The following TNRC6A variants were observed in gnomAD, a reference collection of about 807,000 sequenced individuals.
TNRC6A encodes the protein trinucleotide repeat-containing gene 6A protein.
A neutral mutation model predicts 221.2 loss-of-function variants in TNRC6A; 44 were observed. That is an observed-to-expected ratio of 0.20 (90% CI 0.16 to 0.26). TNRC6A has a LOEUF of 0.26. TNRC6A is among the 10% of genes least tolerant of loss of function. The probability of loss-of-function intolerance (pLI) is 1.00; values close to 1 mark genes in which losing one functional copy is unlikely to be tolerated. For synonymous variants in TNRC6A, 847 were observed against 838.5 expected, an observed-to-expected ratio of 1.01 and a Z score of -0.18; for missense variants, 2,199 against 2,404.4, an observed-to-expected ratio of 0.91 and a Z score of 1.79.
At chr16:24,770,094 G>A (rs960517292) in intron 4 of TNRC6A, among the ~76,000 whole-genome samples, 8 of 152,134 alleles carry the variant, frequency 5.3e-5, no homozygotes, top group African/African-American at 1.9e-4. Context: ...TGGGGGTGGG[G>A]GAAATTAGAT....
chr16:24,775,563 A>G (rs1036318893), intron 4 of TNRC6A, among the ~76,000 whole-genome samples: 26 of 152,262 alleles, frequency 1.7e-4, no homozygotes, highest in African/African-American at 6.0e-4. Context: ...TTGTAAACTC[A>G]GGTGACCAAG....
chr16:24,815,434 C>A, intron 19 of TNRC6A, 129 bp downstream of exon 19: 1 of 1,085,906 alleles, frequency 9.2e-7, no homozygotes, highest in Non-Finnish European at 1.4e-6. Flanking sequence ...AGAAGGAATG[C>A]AGAAGTGATT....
At position 24,790,394 on chromosome 16, in the gene TNRC6A, A is replaced by G. The variant is rs777888661; in HGVS notation, c.1752A>G (p.Thr584=). 8 of 1,614,252 alleles carry G rather than the reference A, an allele frequency of 5.0e-6. No homozygotes were observed. The East Asian group carries it at 1.6e-4, about 31-fold the overall frequency. The change falls in exon 6 of 25, where the codon ACA becomes ACG. Residue 584 remains threonine, a synonymous_variant. Coordinates refer to ENST00000395799, the MANE Select transcript of TNRC6A (RefSeq NM_014494.4). ...CTGGTGCAGCAAACTCCCAGAGTAC[A>G]TCATGGGGAAGTGGAAATGGCGCAA... The part of the protein sequence containing the change: ...WESGAANSQS[T]SWGSGNGANS...
chr16:24,638,899 C>G (rs1901779466), intron 1 of TNRC6A, among the ~76,000 whole-genome samples: 2 of 152,124 alleles, frequency 1.3e-5, no homozygotes, highest in African/African-American at 4.8e-5. Flanking sequence ...ATAATAAACT[C>G]AGCAGACATC....
At chr16:24,807,152 C>T (rs896722137) in intron 17 of TNRC6A, among the ~76,000 whole-genome samples, 1 of 151,880 alleles carries the variant, frequency 6.6e-6, no homozygotes, top group East Asian at 1.9e-4. Context: ...ATTACAGGCG[C>T]GCACCACCAC....
At chr16:24,690,423 A>G (rs1219267169) in intron 2 of TNRC6A, among the ~76,000 whole-genome samples, 1 of 152,214 alleles carries the variant, frequency 6.6e-6, no homozygotes, top group Admixed American at 6.5e-5. Flanking sequence ...TCCTCAACAA[A>G]AAGCTTCAAG....
intron 2 of TNRC6A, among the ~76,000 whole-genome samples, chr16:24,749,968 C>T (rs367554182): frequency 2.0e-5 from 3 of 151,996 alleles, no homozygotes; most frequent in Non-Finnish European, 4.4e-5. Context: ...GGTGAAACCC[C>T]GTCTGTACTA....
chr16:24,771,649 A>G (rs1299552906), intron 4 of TNRC6A, among the ~76,000 whole-genome samples: 3 of 147,068 alleles, frequency 2.0e-5, no homozygotes, highest in Non-Finnish European at 4.5e-5. Flanking sequence ...GGGCCTTACC[A>G]TATTGCCCAT....
rs1385366986 is a variant in TNRC6A at position 24,820,319 on chromosome 16, T to C, written c.5261T>C (p.Ile1754Thr). The change falls in exon 22 of 25, where the codon ATA (isoleucine) becomes ACA (threonine). Residue 1754 changes from isoleucine (I) to threonine (T), a missense_variant. Physicochemically the swap from Ile to Thr is moderately conservative, Grantham distance 89. Coordinates refer to ENST00000395799, the MANE Select transcript of TNRC6A (RefSeq NM_014494.4). ...LSTWDNSPLR[I>T]GGGWGNSDAR... ...ACGTGGGATAATTCTCCCCTTCGTATAGGTGGAGGATGGGGAAATTCTGAC... is the reference window on the plus strand; with the variant it reads ...ACGTGGGATAATTCTCCCCTTCGTACAGGTGGAGGATGGGGAAATTCTGAC... The C allele has an allele frequency of 6.2e-7, 1 of 1,614,154 alleles. No individual in the cohort carries two copies. Among genetic ancestry groups the C allele is most frequent in the South Asian group, 1.1e-5 (1 of 91,082 alleles).
intron 1 of TNRC6A, among the ~76,000 whole-genome samples, chr16:24,610,970 C>A (rs1321935564): frequency 6.6e-6 from 1 of 152,032 alleles, no homozygotes; most frequent in East Asian, 1.9e-4. Flanking sequence ...ACCGCCACAC[C>A]CGTCTAATTT....
rs182609560 is a variant in TNRC6A, at chr16:24,806,183, C to T, written c.4252-23C>T. 145 of 1,613,318 alleles carry T rather than the reference C, an allele frequency of 9.0e-5. 1 individual carries two copies. In the Middle Eastern group the frequency reaches 4.6e-3, roughly 52 times the overall value. On this transcript the variant is annotated intron_variant, in intron 15 of 24. Transcript: ENST00000395799. The stretch of plus-strand genomic sequence containing the variant: ...CTTTGTAATGGTGTGATAGTAACAA[C>T]CTTTTCGCTATCTTTCCTCTAGCGA...
upstream of TNRC6A, among the ~76,000 whole-genome samples, chr16:24,726,925 A>G (rs2056502518): frequency 6.6e-6 from 1 of 152,198 alleles, no homozygotes; most frequent in Non-Finnish European, 1.5e-5. Context: ...ATAATTTAAA[A>G]GTGACTAGCA....
chr16:24,651,055 A>T (rs1356183593), intron 2 of TNRC6A, among the ~76,000 whole-genome samples: 1 of 151,984 alleles, frequency 6.6e-6, no homozygotes, highest in Non-Finnish European at 1.5e-5. Context: ...ACGCAATTCC[A>T]CTGCTCAGTA....
At chr16:24,802,915 C>A (rs116161058) in intron 11 of TNRC6A, among the ~76,000 whole-genome samples, 1 of 152,180 alleles carries the variant, frequency 6.6e-6, no homozygotes, top group African/African-American at 2.4e-5. Flanking sequence ...AGCTTTTGGG[C>A]CGGAGCTGGC....
chr16:24,704,065 G>A (rs1384573488), intron 2 of TNRC6A, among the ~76,000 whole-genome samples: 2 of 148,040 alleles, frequency 1.4e-5, no homozygotes, highest in Non-Finnish European at 1.5e-5. Context: ...CCTGGGTGAT[G>A]GAATGAGACC....
intron 2 of TNRC6A, among the ~76,000 whole-genome samples, chr16:24,646,296 G>A (rs1029308920): frequency 6.6e-6 from 1 of 152,202 alleles, no homozygotes; most frequent in Middle Eastern, 3.2e-3. Context: ...GGAATTGACA[G>A]TACAGTAAAT....
intron 11 of TNRC6A, chr16:24,803,341 C>G: frequency 6.6e-6 from 1 of 151,778 alleles, no homozygotes; most frequent in African/African-American, 2.4e-5. Context: ...ATTGCTTGAA[C>G]CCGGGAGGCA....
intron 2 of TNRC6A, among the ~76,000 whole-genome samples, chr16:24,667,817 T>G (rs1278497540): frequency 6.6e-6 from 1 of 152,132 alleles, no homozygotes; most frequent in Non-Finnish European, 1.5e-5. Flanking sequence ...GGCAGGAGGA[T>G]GACTTGAGGC....
intron 1 of TNRC6A, among the ~76,000 whole-genome samples, chr16:24,626,971 T>A (rs1023028108): frequency 1.7e-4 from 23 of 136,236 alleles, no homozygotes; most frequent in East Asian, 1.4e-3. Context: ...TTTTTTTTTT[T>A]AATCTACAAA....
Sources: allele counts gnomAD v4.1 joint callset (sites outside exome capture counted in the v4.1 genomes callset), GRCh38; gene constraint gnomAD v4.1.1; transcripts MANE v1.5; gene names NCBI Gene and HGNC (gene_info 2026-07-23, HGNC 2026-07-21).